DISC1: variants seen among roughly 807,000 people sequenced by gnomAD.
DISC1 encodes the protein DISC1 scaffold protein.
A neutral mutation model predicts 84.5 loss-of-function variants in DISC1; 57 were observed. The ratio of observed to expected loss-of-function variants is 0.67; its 90% CI spans 0.55 to 0.84. The LOEUF (loss-of-function observed/expected upper bound fraction) is 0.84. DISC1 is among the 40% of genes least tolerant of loss of function. The pLI is 0.00. For missense variants in DISC1, 1,000 were observed against 1,057.8 expected (o/e 0.95, Z 0.76); for synonymous variants, 411 against 415.2 (o/e 0.99, Z 0.12).
intron 11 of DISC1, 106 bp from the exon 12 acceptor site, chr1:232,026,329 T>C: frequency 1.4e-6 from 1 of 723,468 alleles, no homozygotes; most frequent in Non-Finnish European, 2.4e-6. Flanking sequence ...AGCACAATTC[T>C]GACTGAGGTG....
chr1:232,013,394 G>A (rs1346578636), intron 11 of DISC1, among the ~76,000 whole-genome samples: 2 of 152,076 alleles, frequency 1.3e-5, no homozygotes, highest in Non-Finnish European at 2.9e-5. Context: ...ACGCAACCAG[G>A]TAGCCTCATT....
chr1:231,856,998 G>A (rs1429029177), intron 9 of DISC1, among the ~76,000 whole-genome samples: 2 of 152,206 alleles, frequency 1.3e-5, no homozygotes, highest in Non-Finnish European at 2.9e-5. Flanking sequence ...AGGTGCTCAG[G>A]GGATGGAGTT....
At chr1:231,931,475 C>G (rs147792165) in intron 9 of DISC1, among the ~76,000 whole-genome samples, 3 of 152,094 alleles carry the variant, frequency 2.0e-5, no homozygotes, top group Non-Finnish European at 2.9e-5. Context: ...CTCACTGGTT[C>G]CTGGCAGGGT....
intron 6 of DISC1, among the ~76,000 whole-genome samples, chr1:231,793,857 C>T (rs994449718): frequency 7.9e-5 from 12 of 152,122 alleles, no homozygotes; most frequent in Non-Finnish European, 1.5e-4. Context: ...AAAAATACAA[C>T]ACTCATTTAT....
At chr1:231,733,841 T>C (rs1026490221) in intron 3 of DISC1, among the ~76,000 whole-genome samples, 12 of 149,458 alleles carry the variant, frequency 8.0e-5, no homozygotes, top group African/African-American at 3.0e-4. Context: ...GTTATGGTGA[T>C]GATGGTAGTG....
chr1:231,701,948 A>G lies in DISC1; in HGVS notation c.1048-7A>G. ...TTTTTTATTTTTTCCCCTTTAAACC[A>G]ACATAGGTAATATCCTTAAGATTAA... is the stretch of plus-strand genomic sequence containing the variant. On this transcript the variant is annotated splice_polypyrimidine_tract_variant and splice_region_variant and intron_variant, in intron 2 of 12. Coordinates refer to ENST00000439617, the MANE Select transcript of DISC1 (RefSeq NM_018662.3). 1 of 1,596,934 alleles carries G rather than the reference A, an allele frequency of 6.3e-7. No individual in the cohort carries two copies. Among genetic ancestry groups the G allele is most frequent in the Non-Finnish European group, 8.5e-7 (1 of 1,171,334 alleles).
Position 232,009,367 on chromosome 1 carries a change from A to AAC in DISC1, c.2307+318_2307+319insAC. The AAC allele has an allele frequency of 1.2e-6, 1 of 852,272 alleles. No homozygotes were observed. The highest frequency in any genetic ancestry group is 1.5e-6 in the Non-Finnish European group (1 of 686,978). 52.8% of individuals were successfully genotyped at this position (852,272 alleles called of 1,614,324 possible). A position where few individuals can be genotyped will look rare whatever the true frequency, so the allele number is the denominator to read the frequency against. ...ATACATTATATATGTCATATATAAT[A>AAC]TAGTTATTATATTCACTATAGATTA... On this transcript the variant is annotated intron_variant, in intron 11 of 12. Coordinates refer to ENST00000439617, the MANE Select transcript of DISC1 (RefSeq NM_018662.3). This position sits in a 1 kb window ranked among gnomAD's most constrained non-coding sequence, Gnocchi z 4.6.
chr1:231,835,203 G>C (rs1422575961), intron 9 of DISC1, among the ~76,000 whole-genome samples: 1 of 152,200 alleles, frequency 6.6e-6, no homozygotes, highest in Non-Finnish European at 1.5e-5. Context: ...ATCTCCCAAG[G>C]GGGGTCCCCC....
At chr1:231,871,224 A>G (rs1443784491) in intron 9 of DISC1, among the ~76,000 whole-genome samples, 1 of 152,190 alleles carries the variant, frequency 6.6e-6, no homozygotes, top group Non-Finnish European at 1.5e-5. Context: ...AAATGCATAT[A>G]TACTTTGCAG....
At chr1:231,871,283 C>T (rs540067776) in intron 9 of DISC1, among the ~76,000 whole-genome samples, 60 of 152,236 alleles carry the variant, frequency 3.9e-4, no homozygotes, top group African/African-American at 1.2e-3. Flanking sequence ...AGGCAGGTTC[C>T]GAGGGCAGCA....
intron 1 of DISC1, among the ~76,000 whole-genome samples, chr1:231,652,154 C>T (rs2060680810): frequency 1.3e-5 from 2 of 152,316 alleles, no homozygotes; most frequent in South Asian, 2.1e-4. Context: ...ATGCAGAAAT[C>T]ACCATCTTCT....
At chr1:231,894,745 T>TTGTGTGTG (rs3222846) in intron 9 of DISC1, among the ~76,000 whole-genome samples, 1 of 144,488 alleles carries the variant, frequency 6.9e-6, no homozygotes, top group African/African-American at 2.6e-5. Context: ...GTGTCATCTG[T>TTGTGTGTG]TGTGTGTGTG....
intron 10 of DISC1, among the ~76,000 whole-genome samples, chr1:231,988,941 G>A (rs568192477): frequency 6.6e-6 from 1 of 152,332 alleles, no homozygotes; most frequent in Non-Finnish European, 1.5e-5. Context: ...ACTGCTCCTT[G>A]ATTGTCACAT....
intron 1 of DISC1, among the ~76,000 whole-genome samples, chr1:231,676,717 T>C (rs2063190085): frequency 6.6e-6 from 1 of 152,224 alleles, no homozygotes; most frequent in Non-Finnish European, 1.5e-5. Context: ...AAAGCCAATT[T>C]ATTATCCAGG....
chr1:231,960,488 G>A (rs1487869617), intron 10 of DISC1, among the ~76,000 whole-genome samples: 2 of 152,114 alleles, frequency 1.3e-5, no homozygotes, highest in Non-Finnish European at 2.9e-5. Flanking sequence ...CCTGACCTCC[G>A]GTGATCCACG....
At chr1:231,759,462 G>A (rs1488538126) in intron 4 of DISC1, among the ~76,000 whole-genome samples, 2 of 131,228 alleles carry the variant, frequency 1.5e-5, no homozygotes, top group Non-Finnish European at 1.6e-5. Context: ...GCTGAGGCAG[G>A]AGGATTGCTT....
At chr1:231,761,197 A>G (rs1289157785) in intron 4 of DISC1, among the ~76,000 whole-genome samples, 5 of 152,154 alleles carry the variant, frequency 3.3e-5, no homozygotes, top group African/African-American at 1.2e-4. Context: ...CTGAATCCCC[A>G]TTGGCACTGA....
chr1:231,668,357 CAT>C (rs1161595033), intron 1 of DISC1, among the ~76,000 whole-genome samples: 3 of 152,134 alleles, frequency 2.0e-5, no homozygotes, highest in Admixed American at 1.3e-4. Context: ...GATATTATAA[CAT>C]GTGTTTTCCT....
chr1:231,893,863 A>G (rs567395767), intron 9 of DISC1, among the ~76,000 whole-genome samples: 2 of 152,326 alleles, frequency 1.3e-5, no homozygotes. Flanking sequence ...AATGAATACA[A>G]TCTACCACTG....
Sources: gnomAD v4.1 joint callset for allele counts (sites outside exome capture counted in the v4.1 genomes callset) on GRCh38, gnomAD v4.1.1 for gene constraint, Gnocchi (gnomAD v3.1) non-coding constraint, MANE v1.5 for transcripts, NCBI Gene and HGNC (gene_info 2026-07-23, HGNC 2026-07-21) for gene names.